The following PRKCA variants were observed in gnomAD, a reference collection of about 807,000 sequenced individuals.
The protein encoded by PRKCA is protein kinase C alpha type.
Under a neutral mutation model 87.0 loss-of-function variants are expected in PRKCA, and 27 were observed. The observed-to-expected ratio is 0.31, with a 90% CI of 0.23 to 0.43. The LOEUF (loss-of-function observed/expected upper bound fraction) is 0.43, where lower values mean the gene tolerates loss of function less well. PRKCA is among the 20% of genes least tolerant of loss of function. The pLI is 1.00. For missense variants in PRKCA, 518 were observed against 852.3 expected (o/e 0.61, Z 4.88); for synonymous variants, 329 against 311.1 (o/e 1.06, Z -0.61).
chr17:66,464,652 G>A (rs1598695337), intron 2 of PRKCA, among the ~76,000 whole-genome samples: 1 of 152,258 alleles, frequency 6.6e-6, no homozygotes, highest in Middle Eastern at 3.4e-3. Flanking sequence ...ATGCATATTT[G>A]CCATCTGTAC....
At chr17:66,309,137 T>A (rs1904969294) in intron 2 of PRKCA, among the ~76,000 whole-genome samples, 1 of 152,220 alleles carries the variant, frequency 6.6e-6, no homozygotes, top group Non-Finnish European at 1.5e-5. Context: ...TTTTTTTAAC[T>A]AGAGGGGTGT....
At chr17:66,328,072 A>G (rs912853365) in intron 2 of PRKCA, among the ~76,000 whole-genome samples, 1 of 152,112 alleles carries the variant, frequency 6.6e-6, no homozygotes, top group East Asian at 1.9e-4. Flanking sequence ...AGAAGATAAC[A>G]TTTTTCCCTC....
chr17:66,571,844 T>C (rs901161180), intron 3 of PRKCA, among the ~76,000 whole-genome samples: 25 of 152,168 alleles, frequency 1.6e-4, no homozygotes, highest in Non-Finnish European at 2.4e-4. Flanking sequence ...ACTGAGTGTT[T>C]TGCTTTTGAA....
intron 3 of PRKCA, among the ~76,000 whole-genome samples, chr17:66,567,924 C>T (rs1387025325): frequency 6.6e-6 from 1 of 152,160 alleles, no homozygotes; most frequent in Admixed American, 6.5e-5. Flanking sequence ...AGATAATGTA[C>T]AATATTTCTA....
At chr17:66,781,895 T>TGTGTGTGTGG (rs1975236895) in intron 14 of PRKCA, among the ~76,000 whole-genome samples, 1 of 143,294 alleles carries the variant, frequency 7.0e-6, no homozygotes, top group African/African-American at 2.7e-5. Context: ...ATAGTGTGTG[T>TGTGTGTGTGG]GTGTGTGTGT....
At chr17:66,452,859 G>A (rs550544862) in intron 2 of PRKCA, among the ~76,000 whole-genome samples, 5 of 152,312 alleles carry the variant, frequency 3.3e-5, no homozygotes, top group Admixed American at 6.5e-5. Flanking sequence ...GCGAGACTCC[G>A]TCTCAAAAAC....
chr17:66,630,830 G>A (rs9899954), intron 3 of PRKCA, among the ~76,000 whole-genome samples: 11,719 of 152,202 alleles, frequency 0.077, 560 homozygotes, highest in African/African-American at 0.14. Flanking sequence ...AACCCATCCT[G>A]TGGCTCTTTA....
At chr17:66,538,429 C>T (rs1967864221) in intron 3 of PRKCA, among the ~76,000 whole-genome samples, 1 of 152,184 alleles carries the variant, frequency 6.6e-6, no homozygotes, top group African/African-American at 2.4e-5. Context: ...GCCTCTCCTG[C>T]AGAAGGGGTG....
intron 14 of PRKCA, among the ~76,000 whole-genome samples, chr17:66,781,966 T>C (rs1250371615): frequency 6.7e-6 from 1 of 150,056 alleles, no homozygotes; most frequent in Non-Finnish European, 1.5e-5. Flanking sequence ...CAGGCTGGAG[T>C]GCAGTGGTGC....
At chr17:66,561,631 C>G (rs532602034) in intron 3 of PRKCA, among the ~76,000 whole-genome samples, 148 of 152,200 alleles carry the variant, frequency 9.7e-4, no homozygotes, top group African/African-American at 3.4e-3. Flanking sequence ...GCAACATTCA[C>G]AATAGATAAG....
At chr17:66,641,726 T>G (rs1393301939) in intron 4 of PRKCA, among the ~76,000 whole-genome samples, 1 of 152,030 alleles carries the variant, frequency 6.6e-6, no homozygotes, top group East Asian at 1.9e-4. Context: ...ACTTTTTTTT[T>G]TTTTTTAGTG....
chr17:66,439,685 G>A (rs1177906368), intron 2 of PRKCA, among the ~76,000 whole-genome samples: 1 of 152,216 alleles, frequency 6.6e-6, no homozygotes, highest in Non-Finnish European at 1.5e-5. Context: ...TTGCAAAATA[G>A]GGTGCCTGGG....
At chr17:66,669,196 T>C (rs1183238831) in intron 5 of PRKCA, among the ~76,000 whole-genome samples, 4 of 152,118 alleles carry the variant, frequency 2.6e-5, no homozygotes, top group Non-Finnish European at 4.4e-5. Flanking sequence ...TGAGATTTTT[T>C]AAAATGATAG....
At chr17:66,647,561 G>A (rs1230116391) in intron 5 of PRKCA, among the ~76,000 whole-genome samples, 5 of 152,268 alleles carry the variant, frequency 3.3e-5, no homozygotes, top group Non-Finnish European at 7.4e-5. Flanking sequence ...TGGTACTGCC[G>A]GAACCTTCCA....
At chr17:66,562,090 A>AATT (rs1451331310) in intron 3 of PRKCA, among the ~76,000 whole-genome samples, 13 of 113,138 alleles carry the variant, frequency 1.1e-4, no homozygotes, top group Non-Finnish European at 2.1e-4. Flanking sequence ...TATATAATTA[A>AATT]ATATATATAA....
chr17:66,339,773 C>G (rs754196905), intron 2 of PRKCA: 5 of 152,202 alleles, frequency 3.3e-5, no homozygotes, highest in Non-Finnish European at 5.9e-5. Context: ...ACCCCAAACC[C>G]TATCTGATTT....
In PRKCA at chr17:66,689,105, C is replaced by T. The variant is rs917375432; in HGVS notation, c.918+58C>T. ...CCTTTAGAAAGCCCAACTTCAGGAA[C>T]GGCCGAGATGTTGTGGTCACATTTT... On this transcript the variant is annotated intron_variant, in intron 8 of 16. Coordinates refer to ENST00000413366, the MANE Select transcript of PRKCA (RefSeq NM_002737.3). This position sits in a 1 kb window ranked among gnomAD's most constrained non-coding sequence, Gnocchi z 4.1. 4.4e-5 allele frequency: 49 copies of T among 1,115,874 alleles called. No individual in the cohort carries two copies. Among genetic ancestry groups the T allele is most frequent in the Admixed American group, 9.9e-5 (4 of 40,524 alleles). 69.1% of individuals were successfully genotyped at this position (1,115,874 alleles called of 1,614,324 possible). A position where few individuals can be genotyped will look rare whatever the true frequency, so the allele number is the denominator to read the frequency against.
At chr17:66,684,124 G>A (rs1972563573) in intron 5 of PRKCA, among the ~76,000 whole-genome samples, 1 of 152,056 alleles carries the variant, frequency 6.6e-6, no homozygotes, top group African/African-American at 2.4e-5. Flanking sequence ...GTTTTCCCCG[G>A]CATTTGCTTA....
chr17:66,750,182 C>G (rs1974397496), intron 13 of PRKCA, among the ~76,000 whole-genome samples: 1 of 151,566 alleles, frequency 6.6e-6, no homozygotes, highest in Admixed American at 6.6e-5. Flanking sequence ...CCAGCAATGG[C>G]TCCTCTGAGA....
Sources: allele counts gnomAD v4.1 joint callset (sites outside exome capture counted in the v4.1 genomes callset), GRCh38; gene constraint gnomAD v4.1.1; non-coding constraint Gnocchi (gnomAD v3.1); transcripts MANE v1.5; gene names NCBI Gene and HGNC (gene_info 2026-07-23, HGNC 2026-07-21).